Variants in DEPDC4 observed in about 807,000 individuals in gnomAD.
DEPDC4 encodes DEP domain containing 4.
DEPDC4 carries 52 observed loss-of-function variants against 52.0 expected under a neutral mutation model. The observed-to-expected ratio is 1.00, with a 90% CI of 0.80 to 1.26. The LOEUF (loss-of-function observed/expected upper bound fraction) is 1.26, where lower values mean the gene tolerates loss of function less well. Ranked by LOEUF, DEPDC4 falls within the 50% of genes most tolerant of loss-of-function variation. The pLI, the probability that DEPDC4 is intolerant of heterozygous loss-of-function variation, is 0.00. For missense variants in DEPDC4, 530 were observed against 546.9 expected (o/e 0.97, Z 0.31); for synonymous variants, 201 against 196.8 (o/e 1.02, Z -0.18).
chr12:100,273,732 C>T, the DEPDC4 span, among the ~76,000 whole-genome samples: 1 of 152,176 alleles, frequency 6.6e-6, no homozygotes, highest in African/African-American at 2.4e-5. Context: ...TGGAATACTC[C>T]TTCCCCCCTT....
chr12:100,253,815 T>C (rs2096219489), intron 4 of DEPDC4, 100 bp from the exon 5 acceptor site: 1 of 539,840 alleles, frequency 1.9e-6, no homozygotes, highest in Non-Finnish European at 2.9e-6. Context: ...TTATTTAAGC[T>C]AGATAAATCT....
At chr12:100,267,277 A>G (rs1431667479), upstream of DEPDC4, 11 of 587,276 alleles carry the variant, frequency 1.9e-5, no homozygotes, top group South Asian at 1.5e-4. Flanking sequence ...GGCGGAGGAT[A>G]TGGAGTAAAG....
At chr12:100,261,804 T>C (rs775552827) in intron 3 of DEPDC4, 21 of 456,572 alleles carry the variant, frequency 4.6e-5, no homozygotes, top group South Asian at 2.9e-4. Context: ...AACACACTAA[T>C]ACACTACTTA....
downstream of DEPDC4, among the ~76,000 whole-genome samples, chr12:100,237,469 A>G (rs969865786): frequency 3.3e-5 from 5 of 152,090 alleles, no homozygotes; most frequent in Admixed American, 3.3e-4. Context: ...TGGCCTCCCA[A>G]AGTGCTGGGA....
rs201955379 is a variant in DEPDC4, at chr12:100,267,055, C to G, written c.22G>C (p.Ala8Pro). The change falls in exon 1 of 10, where the codon GCG (alanine) becomes CCG (proline). Residue 8 changes from alanine to proline, a missense_variant. Transcript: ENST00000550587. ...AAAAGAACCGCCATAAGCTCGCGCG[C>G]TGGCTCCTCCCCTGGCACCATAGCC... MVPGEEP[A>P]RELMAVLLTP... 56 of 1,613,736 alleles carry G rather than the reference C, an allele frequency of 3.5e-5. No individual in the cohort carries two copies. The African/African-American group carries it at 5.1e-4, about 15-fold the overall frequency.
intron 5 of DEPDC4, among the ~76,000 whole-genome samples, chr12:100,253,075 C>A (rs1346610459): frequency 6.6e-6 from 1 of 152,196 alleles, no homozygotes. Flanking sequence ...CGCCACTACA[C>A]CTGGCTAATT....
the DEPDC4 span, among the ~76,000 whole-genome samples, chr12:100,280,407 T>C: frequency 1.8e-3 from 274 of 152,340 alleles, no homozygotes; most frequent in Non-Finnish European, 2.8e-3. Flanking sequence ...TAATTCTCTT[T>C]GAAGTCTTTA....
chr12:100,247,493 A>T (rs559030422), intron 8 of DEPDC4, among the ~76,000 whole-genome samples: 1 of 152,298 alleles, frequency 6.6e-6, no homozygotes, highest in African/African-American at 2.4e-5. Context: ...GGCATGAGCC[A>T]CCGCACCCAG....
At chr12:100,279,446 G>A in the DEPDC4 span, among the ~76,000 whole-genome samples, 4 of 152,214 alleles carry the variant, frequency 2.6e-5, no homozygotes, top group Non-Finnish European at 4.4e-5. Flanking sequence ...GTCTACTGTT[G>A]TATAAGTCAC....
rs1289758024 is a variant in DEPDC4, at chr12:100,241,716, T to G, written c.*176A>C. The G allele has an allele frequency of 2.4e-6, 3 of 1,262,816 alleles. No homozygotes were observed. Among genetic ancestry groups the G allele is most frequent in the Non-Finnish European group, 3.1e-6 (3 of 977,250 alleles). The allele number at this position is 1,262,816 out of a possible 1,614,324, so 78.2% of individuals were successfully genotyped here. ...GTGTTTTTGAAATTCCTTAATTAAT[T>G]TCTTTTTTCGTTTCAGAGAGATGCT... On this transcript the variant is annotated 3_prime_UTR_variant, in exon 10 of 10. Transcript: ENST00000550587.
intron 7 of DEPDC4, among the ~76,000 whole-genome samples, chr12:100,251,281 G>A (rs2096206652): frequency 6.6e-6 from 1 of 152,050 alleles, no homozygotes; most frequent in African/African-American, 2.4e-5. Context: ...ATTCTTTATA[G>A]AGGCTTTGGA....
chr12:100,266,732 C>A (rs551671249), intron 1 of DEPDC4, among the ~76,000 whole-genome samples, 188 bp downstream of exon 1: 2 of 152,338 alleles, frequency 1.3e-5, no homozygotes, highest in African/African-American at 4.8e-5. Flanking sequence ...AAGGGCACTT[C>A]ACCACAGTAA....
At chr12:100,266,567 T>A (rs2096274355) in intron 1 of DEPDC4, among the ~76,000 whole-genome samples, 1 of 152,208 alleles carries the variant, frequency 6.6e-6, no homozygotes, top group Non-Finnish European at 1.5e-5. Flanking sequence ...GCTGTAAGTG[T>A]AGCCTAGGGA....
At chr12:100,265,941 T>C (rs1226297394) in intron 1 of DEPDC4, among the ~76,000 whole-genome samples, 2 of 152,316 alleles carry the variant, frequency 1.3e-5, no homozygotes, top group Non-Finnish European at 2.9e-5. Context: ...CAATTCAGTG[T>C]TTCTAGTACA....
At chr12:100,261,991 G>A (rs2096255086) in intron 3 of DEPDC4, among the ~76,000 whole-genome samples, 1 of 152,188 alleles carries the variant, frequency 6.6e-6, no homozygotes, top group Non-Finnish European at 1.5e-5. Flanking sequence ...CAAACCCATA[G>A]AATGTACAAC....
At chr12:100,238,166 CAT>C, downstream of DEPDC4, 1 of 495,256 alleles carries the variant, frequency 2.0e-6, no homozygotes, top group Non-Finnish European at 2.6e-6. Context: ...CTTCCAGTGT[CAT>C]ATAATTGGGT....
At chr12:100,275,094 A>G in the DEPDC4 span, among the ~76,000 whole-genome samples, 1 of 152,180 alleles carries the variant, frequency 6.6e-6, no homozygotes, top group African/African-American at 2.4e-5. Context: ...TTTTCATTGT[A>G]TAGATCTTGC....
At chr12:100,245,561 C>T (rs935934745) in intron 8 of DEPDC4, among the ~76,000 whole-genome samples, 16 of 152,208 alleles carry the variant, frequency 1.1e-4, no homozygotes, top group African/African-American at 3.4e-4. Context: ...CACTGCATCC[C>T]GCCGAGTCAC....
At chr12:100,244,328 C>A (rs1480949247) in intron 8 of DEPDC4, among the ~76,000 whole-genome samples, 2 of 150,344 alleles carry the variant, frequency 1.3e-5, no homozygotes, top group African/African-American at 4.9e-5. Flanking sequence ...CTACAGGCAC[C>A]CGCCACCAGG....
Sources: allele counts gnomAD v4.1 joint callset (sites outside exome capture counted in the v4.1 genomes callset), GRCh38; gene constraint gnomAD v4.1.1; transcripts MANE v1.5; gene names NCBI Gene and HGNC (gene_info 2026-07-23, HGNC 2026-07-21).